SLC66A3: variants seen among roughly 807,000 people sequenced by gnomAD.
SLC66A3 encodes PQ loop repeat containing 3.
Under a neutral mutation model 25.5 loss-of-function variants are expected in SLC66A3, and 23 were observed. That is an observed-to-expected ratio of 0.90 (90% CI 0.65 to 1.28). The LOEUF is 1.28. SLC66A3 is among the 50% of genes most tolerant of loss of function. The pLI, the probability that SLC66A3 is intolerant of heterozygous loss-of-function variation, is 0.00. For synonymous variants in SLC66A3, 108 were observed against 112.6 expected (o/e 0.96, Z 0.26); for missense variants, 246 against 262.1 (o/e 0.94, Z 0.42).
chr2:11,156,286 G>A (rs922456183), intron 1 of SLC66A3, among the ~76,000 whole-genome samples: 1 of 152,200 alleles, frequency 6.6e-6, no homozygotes, highest in South Asian at 2.1e-4. Context: ...TTGGGAAGGG[G>A]TGACGGAAAG....
chr2:11,169,437 G>C (rs1662466599), intron 4 of SLC66A3, among the ~76,000 whole-genome samples: 1 of 152,138 alleles, frequency 6.6e-6, no homozygotes, highest in Non-Finnish European at 1.5e-5. Flanking sequence ...ATTCGCGCCA[G>C]AGCCTGTGGC....
chr2:11,160,568 C>T lies in SLC66A3; in HGVS notation c.226+20C>T, dbSNP rs1043499020. 4 of 1,614,168 alleles carry T rather than the reference C, an allele frequency of 2.5e-6. No homozygotes were observed. In the Admixed American group the frequency reaches 6.7e-5, roughly 27 times the overall value. ...CGCAAGGTAACAGCCCCTTCCCTGT[C>T]CAGCGGACTGCCACGGGTCTCCCCT... On this transcript the variant is annotated intron_variant, in intron 2 of 6. Coordinates refer to ENST00000295083, the MANE Select transcript of SLC66A3 (RefSeq NM_152391.5).
rs1346574171 is a variant in SLC66A3, at chr2:11,160,542, G to A, written c.220G>A (p.Ala74Thr). 1.9e-5 allele frequency: 31 copies of A among 1,613,972 alleles called. No individual in the cohort carries two copies. The highest frequency in any genetic ancestry group is 2.5e-5 in the Non-Finnish European group (30 of 1,180,024). ...LTYLEYPILI[A>T]QDVILLLCIF... The stretch of plus-strand genomic sequence containing the variant: ...CTACCTGGAGTACCCCATCCTCATC[G>A]CGCAAGGTAACAGCCCCTTCCCTGT... The change falls in exon 2 of 7, where the codon GCG becomes ACG. Residue 74 changes from alanine (A) to threonine (T), a missense_variant. This residue lies in a region of SLC66A3 where 142 missense variants were observed against 130.3 expected (regional missense o/e 1.09). Transcript: ENST00000295083.
intron 4 of SLC66A3, among the ~76,000 whole-genome samples, chr2:11,165,847 C>T (rs1356587348): frequency 7.5e-6 from 1 of 134,160 alleles, no homozygotes; most frequent in Non-Finnish European, 1.7e-5. Flanking sequence ...AACCCTGTCT[C>T]CACCAAAAAA....
At chr2:11,156,112 T>C (rs573204235) in intron 1 of SLC66A3, among the ~76,000 whole-genome samples, 1 of 152,250 alleles carries the variant, frequency 6.6e-6, no homozygotes, top group East Asian at 1.9e-4. Context: ...AAATAAGGGG[T>C]TGAACTAAGA....
intron 1 of SLC66A3, among the ~76,000 whole-genome samples, chr2:11,155,921 T>C (rs570994353): frequency 6.6e-6 from 1 of 152,320 alleles, no homozygotes; most frequent in Non-Finnish European, 1.5e-5. Flanking sequence ...ACGAATTGAT[T>C]GCGCACGCCC....
intron 4 of SLC66A3, among the ~76,000 whole-genome samples, chr2:11,166,984 T>C (rs3856468): frequency 0.51 from 77,701 of 152,116 alleles, 20,563 homozygotes; most frequent in Non-Finnish European, 0.58. Flanking sequence ...AGATGTCCTG[T>C]ATTTTTGTTT....
chr2:11,169,156 C>T (rs1662457462), intron 4 of SLC66A3, among the ~76,000 whole-genome samples: 1 of 152,162 alleles, frequency 6.6e-6, no homozygotes, highest in Admixed American at 6.5e-5. Flanking sequence ...CTGCACCCTG[C>T]CTCCCTTCTC....
In SLC66A3 at chr2:11,171,963, A is replaced by C; in HGVS notation, c.393A>C (p.Ala131=). ...CTFISAASKF[A]QLQCLWKTRD... ...TCATCAGCGCGGCCAGTAAGTTTGC[A>C]CAGCTCCAGTGTCTGTGGAAGACGA... Residue 131 remains alanine (A), a synonymous_variant, in exon 5 of 7, where the codon GCA becomes GCC. Transcript: ENST00000295083. 1.2e-6 allele frequency: 2 copies of C among 1,614,098 alleles called. No individual in the cohort carries two copies. Among genetic ancestry groups the C allele is most frequent in the Non-Finnish European group, 1.7e-6 (2 of 1,179,972 alleles).
At chr2:11,160,795 TTAAAC>T (rs2147984792) in intron 3 of SLC66A3, 101 bp downstream of exon 3, 5 of 1,454,296 alleles carry the variant, frequency 3.4e-6, no homozygotes, top group Non-Finnish European at 2.7e-6. Flanking sequence ...TATTTTTTGG[TTAAAC>T]TAAAAAAAAA....
chr2:11,170,554 A>G (rs1662513805), intron 4 of SLC66A3, among the ~76,000 whole-genome samples: 2 of 151,494 alleles, frequency 1.3e-5, no homozygotes, highest in Non-Finnish European at 2.9e-5. Context: ...TCAGAACAGC[A>G]TAGATTTCCC....
chr2:11,165,226 G>C (rs900452062), intron 4 of SLC66A3, among the ~76,000 whole-genome samples: 1 of 151,684 alleles, frequency 6.6e-6, no homozygotes, highest in Non-Finnish European at 1.5e-5. Context: ...TTCCCAGACG[G>C]GCTGGCTGCC....
rs146669525 is a variant in SLC66A3, at chr2:11,160,020, G to A, written c.144-446G>A. Among the ~76,000 whole-genome samples, 335 of 152,294 alleles carry A rather than the reference G, an allele frequency of 2.2e-3. 1 individual carries two copies. Among genetic ancestry groups the A allele is most frequent in the Non-Finnish European group, 4.1e-3 (282 of 68,026 alleles). ...GACCCCCGCATCCAGGGATGGTTGCGGCTCCTCGGATCCTTGCGCCTCTGC... is the reference window on the plus strand; with the variant it reads ...GACCCCCGCATCCAGGGATGGTTGCAGCTCCTCGGATCCTTGCGCCTCTGC... On this transcript the variant is annotated intron_variant, in intron 1 of 6. Coordinates refer to ENST00000295083, the MANE Select transcript of SLC66A3 (RefSeq NM_152391.5).
Position 11,165,771 on chromosome 2 carries a change from C to T in SLC66A3, c.354+1510C>T, listed in dbSNP as rs570647639. 4.6e-5 allele frequency among the ~76,000 whole-genome samples: 7 copies of T among 151,658 alleles called. No homozygotes were observed. The South Asian group carries it at 1.0e-3, about 23-fold the overall frequency. Reference sequence around the variant, plus strand: ...GACTCCATCTGCAATCCCGGCACCTCGGGAGGCCGAGGCTGGCAGATCACT... The same window carrying T: ...GACTCCATCTGCAATCCCGGCACCTTGGGAGGCCGAGGCTGGCAGATCACT... On this transcript the variant is annotated intron_variant, in intron 4 of 6. Coordinates refer to ENST00000295083, the MANE Select transcript of SLC66A3 (RefSeq NM_152391.5).
At chr2:11,171,579 T>C (rs1002088577) in intron 4 of SLC66A3, among the ~76,000 whole-genome samples, 4 of 152,114 alleles carry the variant, frequency 2.6e-5, no homozygotes, top group Non-Finnish European at 4.4e-5. Context: ...TCTTTTGCTT[T>C]TTTTTTGAGA....
rs943505758 is a variant in SLC66A3 at position 11,168,636 on chromosome 2, G to C, written c.355-3289G>C. Among the ~76,000 whole-genome samples the C allele has an allele frequency of 5.9e-5, 9 of 152,130 alleles. No homozygotes were observed. In the South Asian group the frequency reaches 1.9e-3, roughly 32 times the overall value. On this transcript the variant is annotated intron_variant, in intron 4 of 6. Transcript: ENST00000295083. Reference sequence around the variant, plus strand: ...GAGCCTGTGTTCTGGCTGGTTCTCTGGTGCGAGCCCTCCCCTGCAGTCCTC... The same window carrying C: ...GAGCCTGTGTTCTGGCTGGTTCTCTCGTGCGAGCCCTCCCCTGCAGTCCTC...
At chr2:11,171,068 A>G (rs1466331631) in intron 4 of SLC66A3, among the ~76,000 whole-genome samples, 1 of 152,158 alleles carries the variant, frequency 6.6e-6, no homozygotes, top group Non-Finnish European at 1.5e-5. Context: ...CTGTAATCCC[A>G]ACATTTTGGG....
intron 4 of SLC66A3, among the ~76,000 whole-genome samples, 163 bp downstream of exon 4, chr2:11,164,424 C>T (rs1662242385): frequency 6.7e-6 from 1 of 149,140 alleles, no homozygotes; most frequent in African/African-American, 2.5e-5. Context: ...TCACCACAAC[C>T]TCCACCTCCT....
At chr2:11,174,216 G>A (rs1051053143) in intron 5 of SLC66A3, among the ~76,000 whole-genome samples, 5 of 152,054 alleles carry the variant, frequency 3.3e-5, no homozygotes, top group Admixed American at 6.6e-5. Flanking sequence ...TCAGCCTCCC[G>A]AAATGCTGGG....
Sources: allele counts gnomAD v4.1 joint callset (sites outside exome capture counted in the v4.1 genomes callset), GRCh38; gene constraint gnomAD v4.1.1; regional missense constraint gnomAD v4.1.1; transcripts MANE v1.5; gene names NCBI Gene and HGNC (gene_info 2026-07-23, HGNC 2026-07-21).